Variants in NBEAL1 observed in about 807,000 individuals in gnomAD.
NBEAL1 encodes neurobeachin-like protein 1.
Under a neutral mutation model 351.3 loss-of-function variants are expected in NBEAL1, and 273 were observed. The observed-to-expected ratio is 0.78, with a 90% CI of 0.70 to 0.86. NBEAL1 has a LOEUF of 0.86. NBEAL1 is among the 40% of genes least tolerant of loss of function. The probability of loss-of-function intolerance (pLI) is 0.00; values close to 1 mark genes in which losing one functional copy is unlikely to be tolerated. For missense variants in NBEAL1, 2,961 were observed against 3,201.3 expected (o/e 0.92, Z 1.81); for synonymous variants, 1,050 against 1,086.4 (o/e 0.97, Z 0.66).
intron 35 of NBEAL1, 45 bp from the exon 36 acceptor site, chr2:203,157,654 T>C (rs778748225): frequency 5.5e-6 from 8 of 1,446,892 alleles, no homozygotes; most frequent in Admixed American, 2.4e-5. Context: ...GGCTATAATA[T>C]TGTTTTTTAC....
At chr2:203,095,710 ATAT>A (rs2062169147) in intron 10 of NBEAL1, among the ~76,000 whole-genome samples, 1 of 152,152 alleles carries the variant, frequency 6.6e-6, no homozygotes, top group African/African-American at 2.4e-5. Flanking sequence ...TAAATATGAA[ATAT>A]TATTCCTTTA....
intron 8 of NBEAL1, 88 bp from the exon 9 acceptor site, chr2:203,083,131 G>C (rs967063502): frequency 6.3e-6 from 7 of 1,119,760 alleles, no homozygotes; most frequent in Non-Finnish European, 8.7e-6. Context: ...AGAAAAGGTT[G>C]CCTGCAGATG....
At position 203,217,907 on chromosome 2, in the gene NBEAL1, C is replaced by G. The variant is rs1438917052; in HGVS notation, c.*553C>G. 1 of 970,140 alleles carries G rather than the reference C, an allele frequency of 1.0e-6. No homozygotes were observed. The highest frequency in any genetic ancestry group is 1.2e-6 in the Non-Finnish European group (1 of 816,080). The allele number at this position is 970,140 out of a possible 1,614,324, so 60.1% of individuals were successfully genotyped here. On this transcript the variant is annotated 3_prime_UTR_variant, in exon 56 of 56. Transcript: ENST00000683969. Reference sequence around the variant, plus strand: ...ATTGAAACTGGTACATTAGCTAATTCTATTACTACTTAGCGTGTTTCTAAT... The same window carrying G: ...ATTGAAACTGGTACATTAGCTAATTGTATTACTACTTAGCGTGTTTCTAAT...
In NBEAL1 at chr2:203,124,239, G is replaced by A. The variant is rs1476044108; in HGVS notation, c.2683-1113G>A. 2.0e-5 allele frequency among the ~76,000 whole-genome samples: 3 copies of A among 152,280 alleles called. No homozygotes were observed. The East Asian group carries it at 5.8e-4, about 29-fold the overall frequency. The stretch of plus-strand genomic sequence containing the variant: ...TCTCAGCTACTTGGGAGGCTGAGGT[G>A]AGAGGATCACTTGAGCCTGGAAGGT... On this transcript the variant is annotated intron_variant, in intron 19 of 55. Transcript: ENST00000683969.
chr2:203,213,562 A>G lies in NBEAL1; in HGVS notation c.7979A>G (p.His2660Arg). Residue 2660 changes from histidine (H) to arginine (R), a missense_variant, in exon 55 of 56, where the codon CAT becomes CGT. Coordinates refer to ENST00000683969, the MANE Select transcript of NBEAL1 (RefSeq NM_001378026.1). The stretch of plus-strand genomic sequence containing the variant: ...CCATTAGCCATGCGACTGCCTATCC[A>G]TTGTGTTTGTGTCACCAAAGAATAC... ...INPLAMRLPI[H>R]CVCVTKEYSH... 1 of 1,613,942 alleles carries G rather than the reference A, an allele frequency of 6.2e-7. No homozygotes were observed. Among genetic ancestry groups the G allele is most frequent in the Non-Finnish European group, 8.5e-7 (1 of 1,179,924 alleles).
chr2:203,077,973 T>G lies in NBEAL1; in HGVS notation c.684+136T>G, dbSNP rs534441657. 12 of 424,592 alleles carry G rather than the reference T, an allele frequency of 2.8e-5. No homozygotes were observed. In the East Asian group the frequency reaches 3.8e-4, roughly 14 times the overall value. The allele number at this position is 424,592 out of a possible 1,614,324, so 26.3% of individuals were successfully genotyped here. A position where few individuals can be genotyped will look rare whatever the true frequency, so the allele number is the denominator to read the frequency against. On this transcript the variant is annotated intron_variant, in intron 8 of 55. Coordinates refer to ENST00000683969, the MANE Select transcript of NBEAL1 (RefSeq NM_001378026.1). ...TATTGAACTTATATATTGTAACTAA[T>G]CTACTTCTTTTATTTTCCAAAAAAC...
chr2:203,176,330 A>T (rs1451816155), intron 42 of NBEAL1, among the ~76,000 whole-genome samples: 1 of 151,920 alleles, frequency 6.6e-6, no homozygotes, highest in Non-Finnish European at 1.5e-5. Flanking sequence ...GGGTTTTGCC[A>T]TATTGCCCAG....
At chr2:203,207,604 T>G (rs572935037) in intron 51 of NBEAL1, among the ~76,000 whole-genome samples, 1 of 152,360 alleles carries the variant, frequency 6.6e-6, no homozygotes, top group South Asian at 2.1e-4. Flanking sequence ...TGTTGATCTG[T>G]GACCTTACCC....
chr2:203,123,180 C>G (rs191652166), intron 19 of NBEAL1, among the ~76,000 whole-genome samples: 1 of 149,228 alleles, frequency 6.7e-6, no homozygotes, highest in Admixed American at 6.7e-5. Context: ...CAACCAAATA[C>G]GTTTATTATT....
intron 31 of NBEAL1, among the ~76,000 whole-genome samples, chr2:203,141,539 C>T (rs922872834): frequency 1.2e-4 from 18 of 151,030 alleles, no homozygotes; most frequent in Middle Eastern, 3.2e-3. Flanking sequence ...TGTGCCACCA[C>T]ACATGGCTAA....
chr2:203,203,604 G>C (rs983810102), intron 51 of NBEAL1, among the ~76,000 whole-genome samples: 4 of 152,088 alleles, frequency 2.6e-5, no homozygotes, highest in African/African-American at 9.7e-5. Context: ...CTGGTGGGAG[G>C]CTGAGGTGGA....
At chr2:203,211,254 G>A (rs1270843868) in intron 54 of NBEAL1, 148 bp downstream of exon 54, 3 of 453,280 alleles carry the variant, frequency 6.6e-6, no homozygotes, top group Non-Finnish European at 1.1e-5. Flanking sequence ...AAAATTGGAG[G>A]AGCTAAAGTA....
intron 29 of NBEAL1, among the ~76,000 whole-genome samples, chr2:203,137,829 C>A (rs568064140): frequency 1.3e-5 from 2 of 151,820 alleles, no homozygotes; most frequent in Non-Finnish European, 2.9e-5. Context: ...ACCAAAAATA[C>A]AAAAATTAGC....
chr2:203,067,325 C>G (rs1317747038), intron 6 of NBEAL1, among the ~76,000 whole-genome samples: 2 of 152,204 alleles, frequency 1.3e-5, no homozygotes, highest in African/African-American at 4.8e-5. Flanking sequence ...CTGCCTTCCA[C>G]ACACTGGAAA....
chr2:203,111,896 T>C, intron 15 of NBEAL1, 83 bp from the exon 16 acceptor site: 1 of 1,409,814 alleles, frequency 7.1e-7, no homozygotes, highest in Non-Finnish European at 9.6e-7. Flanking sequence ...TTGTACAAAT[T>C]ATAGAGCAAA....
chr2:203,106,145 T>C (rs546965711), intron 12 of NBEAL1, among the ~76,000 whole-genome samples: 6 of 152,338 alleles, frequency 3.9e-5, no homozygotes, highest in East Asian at 3.9e-4. Context: ...CTGATAAGAT[T>C]AGTGAGGTCA....
rs1386334143 is a variant in NBEAL1, at chr2:203,038,542, G to A, written c.52-3223G>A. ...CAAGCTTTTTGCCCATTTTTAAATC[G>A]AATTGTCTTTTTGTTATTGATTTGT... On this transcript the variant is annotated intron_variant, in intron 2 of 55. Coordinates refer to ENST00000683969, the MANE Select transcript of NBEAL1 (RefSeq NM_001378026.1). Among the ~76,000 whole-genome samples, 2 of 148,762 alleles carry A rather than the reference G, an allele frequency of 1.3e-5. 1 individual carries two copies. The highest frequency in any genetic ancestry group is 3.0e-5 in the Non-Finnish European group (2 of 66,398).
intron 51 of NBEAL1, among the ~76,000 whole-genome samples, chr2:203,207,172 C>T (rs2065614742): frequency 6.6e-6 from 1 of 150,642 alleles, no homozygotes; most frequent in Non-Finnish European, 1.5e-5. Context: ...GTGAGGAGCC[C>T]CTCCGCCCGG....
intron 7 of NBEAL1, among the ~76,000 whole-genome samples, chr2:203,076,421 G>C (rs1407930838): frequency 6.8e-6 from 1 of 148,118 alleles, no homozygotes; most frequent in Admixed American, 6.8e-5. Flanking sequence ...GGCAGCCAAG[G>C]CTGCAGTGAG....
Sources: gnomAD v4.1 joint callset for allele counts (sites outside exome capture counted in the v4.1 genomes callset) on GRCh38, gnomAD v4.1.1 for gene constraint, MANE v1.5 for transcripts, NCBI Gene and HGNC (gene_info 2026-07-23, HGNC 2026-07-21) for gene names.